Variants in NTM observed in about 807,000 individuals in gnomAD.
NTM encodes the protein IgLON family member 2.
NTM carries 13 observed loss-of-function variants against 42.1 expected under a neutral mutation model. That is an observed-to-expected ratio of 0.31 (90% CI 0.20 to 0.49). NTM has a LOEUF of 0.49. NTM is among the 20% of genes least tolerant of loss of function. NTM has a pLI of 0.99. For missense variants in NTM, 373 were observed against 452.8 expected (o/e 0.82, Z 1.60); for synonymous variants, 187 against 179.2 (o/e 1.04, Z -0.35).
chr11:131,522,700 T>G (rs1440330394), intron 1 of NTM, among the ~76,000 whole-genome samples: 1 of 152,224 alleles, frequency 6.6e-6, no homozygotes, highest in African/African-American at 2.4e-5. Flanking sequence ...TCAGGAAAAC[T>G]TCAAGTGTCC....
At chr11:131,519,189 T>C (rs534038913) in intron 1 of NTM, among the ~76,000 whole-genome samples, 2 of 126,514 alleles carry the variant, frequency 1.6e-5, no homozygotes, top group African/African-American at 6.6e-5. Flanking sequence ...AGGGGACATA[T>C]CTCTTCTCTC....
At chr11:131,414,799 C>T (rs573754090) in intron 1 of NTM, among the ~76,000 whole-genome samples, 2 of 152,318 alleles carry the variant, frequency 1.3e-5, no homozygotes, top group Admixed American at 6.5e-5. Context: ...TGTCAATGTA[C>T]TTGCATTTTT....
intron 1 of NTM, among the ~76,000 whole-genome samples, chr11:131,491,632 G>A (rs555601144): frequency 2.0e-5 from 3 of 152,076 alleles, no homozygotes; most frequent in African/African-American, 7.3e-5. Context: ...TAAAGTACTG[G>A]AGTTGGTATT....
At chr11:131,511,457 C>T (rs2048237324) in intron 1 of NTM, among the ~76,000 whole-genome samples, 1 of 152,240 alleles carries the variant, frequency 6.6e-6, no homozygotes, top group African/African-American at 2.4e-5. Context: ...AACTCCAGCA[C>T]ACCCCCTCAT....
At chr11:132,325,501 A>G (rs2095660235) in intron 7 of NTM, among the ~76,000 whole-genome samples, 1 of 152,166 alleles carries the variant, frequency 6.6e-6, no homozygotes, top group African/African-American at 2.4e-5. Context: ...GGCAATCATT[A>G]AAATGTCAGG....
chr11:132,048,380 C>A (rs2078324082), intron 2 of NTM, among the ~76,000 whole-genome samples: 1 of 152,186 alleles, frequency 6.6e-6, no homozygotes, highest in East Asian at 1.9e-4. Context: ...ATTTCTGGTC[C>A]CTGTGTGGGG....
chr11:131,525,327 G>T (rs183816902), intron 1 of NTM, among the ~76,000 whole-genome samples: 1 of 152,294 alleles, frequency 6.6e-6, no homozygotes, highest in African/African-American at 2.4e-5. Flanking sequence ...GCCGGAAATC[G>T]CATCCTGTAC....
intron 1 of NTM, among the ~76,000 whole-genome samples, chr11:131,588,283 C>A (rs1282509918): frequency 6.6e-6 from 1 of 152,218 alleles, no homozygotes; most frequent in Non-Finnish European, 1.5e-5. Context: ...AGCTGGCCAC[C>A]CCCAGTGAGC....
intron 4 of NTM, among the ~76,000 whole-genome samples, chr11:132,228,073 C>T (rs184589561): frequency 1.3e-5 from 2 of 152,158 alleles, no homozygotes; most frequent in African/African-American, 2.4e-5. Flanking sequence ...GCTTTTGAAG[C>T]CACCCCTCTG....
At chr11:131,555,641 G>A (rs1317801258) in intron 1 of NTM, among the ~76,000 whole-genome samples, 1 of 152,194 alleles carries the variant, frequency 6.6e-6, no homozygotes, top group Non-Finnish European at 1.5e-5. Context: ...TCATCAGATG[G>A]TCCCAGCTCA....
At chr11:131,848,723 C>G (rs1184986985) in intron 1 of NTM, among the ~76,000 whole-genome samples, 2 of 152,170 alleles carry the variant, frequency 1.3e-5, no homozygotes, top group African/African-American at 4.8e-5. Context: ...CATTCCAACT[C>G]TAGGCTGCAG....
chr11:131,709,774 G>A (rs2076936200), intron 1 of NTM, among the ~76,000 whole-genome samples: 1 of 152,114 alleles, frequency 6.6e-6, no homozygotes, highest in Non-Finnish European at 1.5e-5. Flanking sequence ...TCCTAAAATG[G>A]AGCGAATATA....
At chr11:131,477,632 G>C (rs917849167) in intron 1 of NTM, among the ~76,000 whole-genome samples, 6 of 151,732 alleles carry the variant, frequency 4.0e-5, no homozygotes, top group African/African-American at 7.3e-5. Flanking sequence ...CTACCTCCCT[G>C]AATAATCTCT....
intron 1 of NTM, among the ~76,000 whole-genome samples, chr11:131,621,940 A>T (rs1165326956): frequency 6.6e-6 from 1 of 152,182 alleles, no homozygotes; most frequent in Admixed American, 6.5e-5. Flanking sequence ...AGAACCATAT[A>T]GAATCAGGGG....
chr11:131,829,293 G>A (rs1324650801), intron 1 of NTM, among the ~76,000 whole-genome samples: 1 of 152,060 alleles, frequency 6.6e-6, no homozygotes, highest in Non-Finnish European at 1.5e-5. Context: ...CATTACTCAG[G>A]TATTGAGAAT....
chr11:132,249,073 A>G (rs1170302796), intron 4 of NTM, among the ~76,000 whole-genome samples: 2 of 152,190 alleles, frequency 1.3e-5, no homozygotes, highest in Non-Finnish European at 2.9e-5. Context: ...GTGACAGTTC[A>G]GTTCCATGAC....
At chr11:132,122,402 C>A (rs2064988359) in intron 2 of NTM, among the ~76,000 whole-genome samples, 1 of 152,180 alleles carries the variant, frequency 6.6e-6, no homozygotes, top group African/African-American at 2.4e-5. Flanking sequence ...AGCAAATCGG[C>A]CTCCCCTGGG....
chr11:132,258,346 A>G (rs186319260), intron 4 of NTM, among the ~76,000 whole-genome samples: 8 of 152,248 alleles, frequency 5.3e-5, no homozygotes, highest in Admixed American at 2.0e-4. Flanking sequence ...CAGAGTGAAC[A>G]TGCGTTAAAT....
At chr11:131,940,308 A>C (rs759984766) in intron 2 of NTM, among the ~76,000 whole-genome samples, 8 of 152,336 alleles carry the variant, frequency 5.3e-5, no homozygotes, top group Non-Finnish European at 8.8e-5. Flanking sequence ...GAATCACCAC[A>C]AAATATTATC....
Sources: gnomAD v4.1 joint callset for allele counts (sites outside exome capture counted in the v4.1 genomes callset) on GRCh38, gnomAD v4.1.1 for gene constraint, MANE v1.5 for transcripts, NCBI Gene and HGNC (gene_info 2026-07-23, HGNC 2026-07-21) for gene names.